Variants in MEP1A observed in about 807,000 individuals in gnomAD.
MEP1A encodes N-benzoyl-L-tyrosyl-P-amino-benzoic acid hydrolase subunit alpha.
MEP1A carries 68 observed loss-of-function variants against 84.5 expected under a neutral mutation model. The ratio of observed to expected loss-of-function variants is 0.80; its 90% CI spans 0.66 to 0.98. The LOEUF (loss-of-function observed/expected upper bound fraction) is 0.98. Ranked by LOEUF, MEP1A falls within the 50% of genes least tolerant of loss-of-function variation. The probability of loss-of-function intolerance (pLI) is 0.00; values close to 1 mark genes in which losing one functional copy is unlikely to be tolerated. For synonymous variants in MEP1A, 337 were observed against 336.8 expected, an observed-to-expected ratio of 1.00 and a Z score of -0.01; for missense variants, 887 against 919.9, an observed-to-expected ratio of 0.96 and a Z score of 0.46.
At chr6:46,793,629 C>T (rs1007898389) in intron 2 of MEP1A, 37 bp from the exon 3 acceptor site, 1 of 1,583,040 alleles carries the variant, frequency 6.3e-7, no homozygotes, top group Non-Finnish European at 8.6e-7. Flanking sequence ...TTTCCTTCGG[C>T]AAGACTAATA....
intron 3 of MEP1A, among the ~76,000 whole-genome samples, 195 bp downstream of exon 3, chr6:46,793,911 A>G (rs1019256760): frequency 1.3e-5 from 2 of 152,230 alleles, no homozygotes; most frequent in African/African-American, 4.8e-5. Context: ...ACTTTCTAGG[A>G]GAGCTAGGAA....
At chr6:46,800,356 C>T (rs1767167085) in intron 5 of MEP1A, among the ~76,000 whole-genome samples, 1 of 152,108 alleles carries the variant, frequency 6.6e-6, no homozygotes, top group South Asian at 2.1e-4. Flanking sequence ...AGATGAGGAT[C>T]CTGTTAACCT....
chr6:46,833,208 A>G lies in MEP1A; in HGVS notation c.1279A>G (p.Thr427Ala), dbSNP rs941950535. ...GGIYLDDITL[T>A]ETPCPTGVWT... ...AATTTACCTAGATGACATCACTCTG[A>G]CAGAAACCCCCTGCCCCACAGGGGT... is the stretch of plus-strand genomic sequence containing the variant. The change falls in exon 11 of 14, where the codon ACA becomes GCA. Residue 427 changes from threonine (T) to alanine (A), a missense_variant. Physicochemically the swap from Thr to Ala is moderately conservative, Grantham distance 58. Coordinates refer to ENST00000230588, the MANE Select transcript of MEP1A (RefSeq NM_005588.3). 1.2e-6 allele frequency: 2 copies of G among 1,612,886 alleles called. No homozygotes were observed. Among genetic ancestry groups the G allele is most frequent in the African/African-American group, 2.7e-5 (2 of 74,942 alleles).
At position 46,807,783 on chromosome 6, in the gene MEP1A, GAAAGAAAGAAAGAAA is replaced by G. The variant is rs766336901; in HGVS notation, c.263-1636_263-1622del. Reference sequence around the variant, plus strand: ...GGAAGGGAGAAAGGAAAGAAAGAAAGAAAGAAAGAAAGAAAGAAAGAAAGAAAGAAAGAAAGAAAG... The same window carrying G: ...GGAAGGGAGAAAGGAAAGAAAGAAAGGAAAGAAAGAAAGAAAGAAAGAAAG... On this transcript the variant is annotated intron_variant, in intron 5 of 13. Coordinates refer to ENST00000230588, the MANE Select transcript of MEP1A (RefSeq NM_005588.3). Among the ~76,000 whole-genome samples the G allele has an allele frequency of 2.4e-4, 21 of 88,068 alleles. 1 individual carries two copies. The highest frequency in any genetic ancestry group is 5.1e-4 in the African/African-American group (14 of 27,268). 57.8% of individuals were successfully genotyped at this position (88,068 alleles called of 152,430 possible). A position where few individuals can be genotyped will look rare whatever the true frequency, so the allele number is the denominator to read the frequency against.
At chr6:46,809,808 G>T (rs1767451194) in intron 6 of MEP1A, among the ~76,000 whole-genome samples, 1 of 149,938 alleles carries the variant, frequency 6.7e-6, no homozygotes. Flanking sequence ...TGGTGTGTGT[G>T]TGTGTATATA....
In MEP1A at chr6:46,834,653, G is replaced by GC. The variant is rs1311702378; in HGVS notation, c.1686dup (p.Ile563HisfsTer23). ...CATACGGACTGTAATTGTTTTAGAA[G>GC]CATCGACTTGGGCTGGAGTGGTTTC... On this transcript the variant is annotated frameshift_variant, in exon 12 of 14. Coordinates refer to ENST00000230588, the MANE Select transcript of MEP1A (RefSeq NM_005588.3). LOFTEE classifies it high-confidence loss of function. 1 of 1,611,268 alleles carries GC rather than the reference G, an allele frequency of 6.2e-7. No homozygotes were observed. The highest frequency in any genetic ancestry group is 1.7e-5 in the Admixed American group (1 of 59,992).
chr6:46,841,015 T>G (rs1256375999), downstream of MEP1A, among the ~76,000 whole-genome samples: 2 of 152,192 alleles, frequency 1.3e-5, no homozygotes, highest in African/African-American at 4.8e-5. Context: ...GCTGTTATTG[T>G]CCTTTTGTTT....
intron 13 of MEP1A, among the ~76,000 whole-genome samples, chr6:46,836,671 G>A (rs935133156): frequency 1.3e-5 from 2 of 152,062 alleles, no homozygotes; most frequent in Non-Finnish European, 2.9e-5. Context: ...ATCCAATTCT[G>A]GATCTCACAT....
At chr6:46,819,044 G>T (rs1176183544) in intron 6 of MEP1A, among the ~76,000 whole-genome samples, 1 of 152,178 alleles carries the variant, frequency 6.6e-6, no homozygotes, top group East Asian at 1.9e-4. Context: ...CCTGAGTAGA[G>T]GAGGCTGAGG....
rs768767681 is a variant in MEP1A at position 46,825,512 on chromosome 6, G to C, written c.778+19G>C. ...AATTGCAGTGAGTATCTCAGTTTCT[G>C]AGAACTTGGTAAACTAGCCTCAGCA... is the stretch of plus-strand genomic sequence containing the variant. On this transcript the variant is annotated intron_variant, in intron 8 of 13. Transcript: ENST00000230588. 1 of 1,552,744 alleles carries C rather than the reference G, an allele frequency of 6.4e-7. No homozygotes were observed. The highest frequency in any genetic ancestry group is 1.4e-5 in the African/African-American group (1 of 73,524).
intron 5 of MEP1A, among the ~76,000 whole-genome samples, chr6:46,807,171 G>GA (rs934710936): frequency 2.4e-4 from 36 of 148,338 alleles, no homozygotes; most frequent in Middle Eastern, 3.4e-3. Flanking sequence ...CTTCTCAAAA[G>GA]AAAAAAAAAG....
At chr6:46,801,364 A>AT (rs1347044394) in intron 5 of MEP1A, among the ~76,000 whole-genome samples, 1 of 152,076 alleles carries the variant, frequency 6.6e-6, no homozygotes, top group Non-Finnish European at 1.5e-5. Context: ...CATTTCCCTA[A>AT]TGATTAGTGA....
chr6:46,799,302 G>A (rs1344217089), intron 5 of MEP1A, 121 bp downstream of exon 5: 1 of 678,118 alleles, frequency 1.5e-6, no homozygotes, highest in Non-Finnish European at 2.6e-6. Flanking sequence ...AAGTCCTGAT[G>A]CATCTTTATC....
At chr6:46,817,728 T>A (rs1216918792) in intron 6 of MEP1A, among the ~76,000 whole-genome samples, 1 of 152,242 alleles carries the variant, frequency 6.6e-6, no homozygotes, top group African/African-American at 2.4e-5. Context: ...CTTCTTTTTT[T>A]GTTTTCAAGT....
intron 6 of MEP1A, 62 bp from the exon 7 acceptor site, chr6:46,819,467 C>A: frequency 7.2e-7 from 1 of 1,380,092 alleles, no homozygotes; most frequent in Non-Finnish European, 9.9e-7. Context: ...TTTTGGAGTA[C>A]TGTGAATGAC....
chr6:46,825,665 T>C (rs1482149607), intron 8 of MEP1A, among the ~76,000 whole-genome samples, 172 bp downstream of exon 8: 1 of 139,710 alleles, frequency 7.2e-6, no homozygotes, highest in Non-Finnish European at 1.6e-5. Flanking sequence ...TGTTTAAGTA[T>C]TGTCTATGGC....
chr6:46,844,015 CT>C (rs1270161136), downstream of MEP1A, among the ~76,000 whole-genome samples: 1 of 152,132 alleles, frequency 6.6e-6, no homozygotes, highest in East Asian at 1.9e-4. Flanking sequence ...TTCTTTTTTA[CT>C]TGGTTTTCTT....
chr6:46,829,713 G>C, intron 10 of MEP1A, 142 bp downstream of exon 10: 2 of 649,540 alleles, frequency 3.1e-6, no homozygotes, highest in Non-Finnish European at 5.5e-6. Flanking sequence ...TCTTCTCAGA[G>C]CCTATCATAA....
intron 5 of MEP1A, among the ~76,000 whole-genome samples, chr6:46,802,697 G>C (rs894164367): frequency 6.6e-6 from 1 of 151,300 alleles, no homozygotes; most frequent in Non-Finnish European, 1.5e-5. Context: ...GGACACTGTA[G>C]GTTTTCCACA....
Sources: allele counts gnomAD v4.1 joint callset (sites outside exome capture counted in the v4.1 genomes callset), GRCh38; gene constraint gnomAD v4.1.1; transcripts MANE v1.5; gene names NCBI Gene and HGNC (gene_info 2026-07-23, HGNC 2026-07-21).